RAP1A: variants seen among roughly 807,000 people sequenced by gnomAD.
The protein encoded by RAP1A is ras-related protein Rap-1A.
Under a neutral mutation model 26.4 loss-of-function variants are expected in RAP1A, and 6 were observed. The ratio of observed to expected loss-of-function variants is 0.23; its 90% confidence interval spans 0.12 to 0.45. The LOEUF is 0.45. Ranked by LOEUF, RAP1A falls within the 20% of genes least tolerant of loss-of-function variation. The probability of loss-of-function intolerance (pLI) is 0.99; values close to 1 mark genes in which losing one functional copy is unlikely to be tolerated. For missense variants in RAP1A, 121 were observed against 217.2 expected, an observed-to-expected ratio of 0.56 and a Z score of 2.78; for synonymous variants, 73 against 79.4, an observed-to-expected ratio of 0.92 and a Z score of 0.43.
chr1:111,571,828 G>T (rs1192871935), intron 1 of RAP1A, among the ~76,000 whole-genome samples: 1 of 152,182 alleles, frequency 6.6e-6, no homozygotes, highest in Non-Finnish European at 1.5e-5. Context: ...TTGGTGAGAG[G>T]ATAGATAAAA....
chr1:111,698,754 T>A (rs1470717306), intron 4 of RAP1A, among the ~76,000 whole-genome samples: 3 of 152,122 alleles, frequency 2.0e-5, no homozygotes, highest in African/African-American at 7.2e-5. Context: ...ATGGCTTAAC[T>A]CTTATCAGGG....
At chr1:111,544,495 T>C (rs963521785) in intron 1 of RAP1A, among the ~76,000 whole-genome samples, 1 of 152,214 alleles carries the variant, frequency 6.6e-6, no homozygotes, top group African/African-American at 2.4e-5. Flanking sequence ...TTCAGCATAA[T>C]GTTTTGAAGG....
chr1:111,698,383 C>G (rs1661907733), intron 4 of RAP1A, among the ~76,000 whole-genome samples: 1 of 152,110 alleles, frequency 6.6e-6, no homozygotes. Flanking sequence ...GTCTTCCTGC[C>G]TCAGCCTCCT....
At chr1:111,552,116 A>T (rs2101036945) in intron 1 of RAP1A, among the ~76,000 whole-genome samples, 1 of 152,344 alleles carries the variant, frequency 6.6e-6, no homozygotes, top group East Asian at 1.9e-4. Flanking sequence ...TTGTGTTTTC[A>T]ACAAATGACT....
intron 5 of RAP1A, among the ~76,000 whole-genome samples, chr1:111,703,979 T>C (rs1662102389): frequency 6.6e-6 from 1 of 152,136 alleles, no homozygotes; most frequent in Admixed American, 6.6e-5. Flanking sequence ...TTTTTGAATT[T>C]TTTAGTAGAG....
At chr1:111,563,867 C>A (rs752898423) in intron 1 of RAP1A, 12 of 1,613,362 alleles carry the variant, frequency 7.4e-6, no homozygotes, top group Non-Finnish European at 1.0e-5. Flanking sequence ...ACTCAAGCAG[C>A]CCAGTGTCCA....
chr1:111,555,362 TAAAAAAAAA>T (rs397981230), intron 1 of RAP1A, among the ~76,000 whole-genome samples: 2 of 47,638 alleles, frequency 4.2e-5, no homozygotes, highest in Admixed American at 6.5e-4. Context: ...TGAGACTCTG[TAAAAAAAAA>T]AAAAAAAAAA....
chr1:111,680,848 C>G (rs1309017905), intron 1 of RAP1A: 1 of 152,152 alleles, frequency 6.6e-6, no homozygotes, highest in South Asian at 2.1e-4. Context: ...GCAATAACAT[C>G]AACATCAACA....
upstream of RAP1A, among the ~76,000 whole-genome samples, chr1:111,618,610 C>A (rs1172520768): frequency 6.6e-6 from 1 of 152,284 alleles, no homozygotes; most frequent in South Asian, 2.1e-4. Context: ...TTCAATATCT[C>A]CATTTGGATG....
intron 1 of RAP1A, among the ~76,000 whole-genome samples, chr1:111,551,115 C>T (rs1428069032): frequency 6.6e-6 from 1 of 152,094 alleles, no homozygotes; most frequent in Non-Finnish European, 1.5e-5. Flanking sequence ...TACTTTCAAC[C>T]TGTTTGTGTC....
intron 1 of RAP1A, among the ~76,000 whole-genome samples, chr1:111,543,374 G>A (rs1360862058): frequency 6.6e-6 from 1 of 151,984 alleles, no homozygotes; most frequent in Non-Finnish European, 1.5e-5. Context: ...TGCCAAAAGG[G>A]AAAAACCATC....
intron 1 of RAP1A, among the ~76,000 whole-genome samples, chr1:111,664,400 A>T (rs1254277984): frequency 7.4e-6 from 1 of 135,120 alleles, no homozygotes; most frequent in Non-Finnish European, 1.6e-5. Flanking sequence ...AAAAAAAAAC[A>T]AAAAACAAAA....
intron 1 of RAP1A, among the ~76,000 whole-genome samples, chr1:111,577,105 A>G (rs1178521774): frequency 6.6e-6 from 1 of 152,082 alleles, no homozygotes; most frequent in Non-Finnish European, 1.5e-5. Context: ...GAATTATGAA[A>G]CAATAGCAGA....
chr1:111,675,708 A>T (rs1661106085), intron 1 of RAP1A, among the ~76,000 whole-genome samples: 1 of 152,218 alleles, frequency 6.6e-6, no homozygotes, highest in Admixed American at 6.5e-5. Flanking sequence ...CAGAATAATG[A>T]TATTTGCCAT....
At chr1:111,648,204 T>TGTGTGC in intron 1 of RAP1A, 1 of 301,028 alleles carries the variant, frequency 3.3e-6, no homozygotes, top group Non-Finnish European at 5.7e-6. Context: ...TGTGTGTGTG[T>TGTGTGC]ATTTTTTTTT....
upstream of RAP1A, chr1:111,542,085 C>CT (rs35807618): frequency 1.5e-3 from 246 of 167,532 alleles, no homozygotes; most frequent in African/African-American, 5.1e-3. Flanking sequence ...TGCAAAGAAG[C>CT]TTTTTTTTTT....
intron 1 of RAP1A, among the ~76,000 whole-genome samples, chr1:111,583,061 AG>A (rs897823722): frequency 1.2e-4 from 18 of 152,220 alleles, no homozygotes; most frequent in African/African-American, 4.1e-4. Flanking sequence ...ATGTTTACAA[AG>A]TATCTTGCAG....
intron 1 of RAP1A, chr1:111,600,185 A>G (rs1174543176): frequency 6.6e-6 from 1 of 152,268 alleles, no homozygotes; most frequent in Non-Finnish European, 1.5e-5. Flanking sequence ...GACTAACACA[A>G]AGACCAAATA....
At chr1:111,699,292 C>A (rs781327045) in intron 4 of RAP1A, among the ~76,000 whole-genome samples, 5 of 151,940 alleles carry the variant, frequency 3.3e-5, no homozygotes, top group Admixed American at 1.3e-4. Flanking sequence ...GATTTACTAC[C>A]CTGGCTTGGC....
Sources: allele counts gnomAD v4.1 joint callset (sites outside exome capture counted in the v4.1 genomes callset), GRCh38; gene constraint gnomAD v4.1.1; transcripts MANE v1.5; gene names NCBI Gene and HGNC (gene_info 2026-07-23, HGNC 2026-07-21).